ABCB4: variants seen among roughly 807,000 people sequenced by gnomAD.
ABCB4 encodes phosphatidylcholine translocator ABCB4.
A neutral mutation model predicts 145.7 loss-of-function variants in ABCB4; 76 were observed. That is an observed-to-expected ratio of 0.52 (90% CI 0.43 to 0.63). The LOEUF is 0.63. Among genes scored for constraint, ABCB4 ranks in the 30% least tolerant of loss-of-function variants. ABCB4 has a pLI of 0.00. For missense variants in ABCB4, 1,234 were observed against 1,553.1 expected (o/e 0.79, Z 3.45); for synonymous variants, 517 against 566.8 (o/e 0.91, Z 1.25).
intron 6 of ABCB4, chr7:87,452,566 T>C: frequency 6.6e-6 from 2 of 303,404 alleles, no homozygotes; most frequent in Non-Finnish European, 1.3e-5. Flanking sequence ...CCCTCAAATA[T>C]TTGTTGAATA....
chr7:87,471,056 A>C (rs967803526), intron 3 of ABCB4, among the ~76,000 whole-genome samples: 15 of 152,212 alleles, frequency 9.9e-5, no homozygotes, highest in African/African-American at 2.7e-4. Context: ...TGATGAGTTC[A>C]TGTCCTTTGT....
chr7:87,413,720 G>T lies in ABCB4; in HGVS notation c.2683-3C>A. 6.3e-7 allele frequency: 1 copy of T among 1,584,074 alleles called. No individual in the cohort carries two copies. The highest frequency in any genetic ancestry group is 8.7e-7 in the Non-Finnish European group (1 of 1,153,178). ...TTTTCTATTGCCTCTGTTGCAATCTGTAACACAGAATAGACCTTCATTAGA... is the reference window on the plus strand; with the variant it reads ...TTTTCTATTGCCTCTGTTGCAATCTTTAACACAGAATAGACCTTCATTAGA... On this transcript the variant is annotated splice_polypyrimidine_tract_variant and splice_region_variant and intron_variant, in intron 21 of 27. Transcript: ENST00000649586.
intron 22 of ABCB4, among the ~76,000 whole-genome samples, chr7:87,413,252 A>C (rs1385011956): frequency 6.6e-6 from 1 of 152,184 alleles, no homozygotes; most frequent in African/African-American, 2.4e-5. Context: ...AGCAAGTCTC[A>C]CTTTTGGTTC....
At chr7:87,423,053 A>T (rs1031596361) in intron 17 of ABCB4, among the ~76,000 whole-genome samples, 4 of 152,146 alleles carry the variant, frequency 2.6e-5, no homozygotes, top group African/African-American at 9.7e-5. Context: ...GATCTTTTCT[A>T]ATTTATTTAT....
downstream of ABCB4, chr7:87,399,701 G>A (rs188632032): frequency 1.3e-5 from 2 of 152,032 alleles, no homozygotes; most frequent in Admixed American, 6.6e-5. Flanking sequence ...TTTCCTCCTC[G>A]CTGTTCAATT....
At chr7:87,392,544 T>C in the ABCB4 span, 12 of 1,597,750 alleles carry the variant, frequency 7.5e-6, no homozygotes, top group South Asian at 7.7e-5. Context: ...GTTATTGAAG[T>C]GTCTCTCGAT....
At chr7:87,374,099 A>G in the ABCB4 span, among the ~76,000 whole-genome samples, 1 of 152,128 alleles carries the variant, frequency 6.6e-6, no homozygotes, top group African/African-American at 2.4e-5. Context: ...TGTGTGGGTT[A>G]TAGAATATTT....
chr7:87,403,661 A>G (rs1807968992), intron 26 of ABCB4, among the ~76,000 whole-genome samples: 1 of 152,204 alleles, frequency 6.6e-6, no homozygotes. Flanking sequence ...CACCACAAAT[A>G]CTTGAATTTT....
At chr7:87,375,968 TCTC>T in the ABCB4 span, 90 of 1,465,558 alleles carry the variant, frequency 6.1e-5, 1 homozygote, top group East Asian at 6.2e-4. Flanking sequence ...TTAACTACCT[TCTC>T]TTTTTTTTTT....
intron 24 of ABCB4, 43 bp downstream of exon 24, chr7:87,409,193 A>G (rs1808424048): frequency 6.2e-7 from 1 of 1,612,090 alleles, no homozygotes; most frequent in East Asian, 2.2e-5. Flanking sequence ...AGCAAACCTT[A>G]GGGAAAAATT....
intron 14 of ABCB4, among the ~76,000 whole-genome samples, chr7:87,433,665 AATTG>A (rs1289364447): frequency 7.0e-6 from 1 of 143,232 alleles, no homozygotes; most frequent in African/African-American, 2.5e-5. Flanking sequence ...TGACACAAAA[AATTG>A]TTGTTGTTTT....
At chr7:87,402,517 G>A (rs1384063875) in intron 27 of ABCB4, among the ~76,000 whole-genome samples, 1 of 152,080 alleles carries the variant, frequency 6.6e-6, no homozygotes, top group Non-Finnish European at 1.5e-5. Flanking sequence ...TTCCCATGCT[G>A]TAAAAAAATT....
chr7:87,375,620 A>G, the ABCB4 span: 1 of 1,598,970 alleles, frequency 6.3e-7, no homozygotes, highest in African/African-American at 1.3e-5. Context: ...TCTTCTTTTC[A>G]TCTTCCATAA....
chr7:87,422,277 T>C (rs1809498398), intron 17 of ABCB4, 52 bp from the exon 18 acceptor site: 1 of 1,337,414 alleles, frequency 7.5e-7, no homozygotes, highest in Admixed American at 1.7e-5. Context: ...TGATCCTTCT[T>C]CATTCCTCTC....
chr7:87,396,165 A>G, the ABCB4 span, among the ~76,000 whole-genome samples: 1 of 152,334 alleles, frequency 6.6e-6, no homozygotes, highest in South Asian at 2.1e-4. Context: ...TCAGTGGCTC[A>G]TGCCTGTGTT....
rs1449313374 is a variant in ABCB4, at chr7:87,408,024, G to T, written c.3279+13C>A. The T allele has an allele frequency of 6.2e-7, 1 of 1,612,894 alleles. No individual in the cohort carries two copies. The highest frequency in any genetic ancestry group is 8.5e-7 in the Non-Finnish European group (1 of 1,179,974). ...ATATAGCCTTCAATCAAGTTATAAG[G>T]AAATGTGCTCACCACTGTCCCCGCC... On this transcript the variant is annotated intron_variant, in intron 25 of 27. Transcript: ENST00000649586.
intron 20 of ABCB4, among the ~76,000 whole-genome samples, chr7:87,417,920 G>A (rs751627929): frequency 3.3e-5 from 5 of 152,142 alleles, no homozygotes; most frequent in Admixed American, 2.0e-4. Flanking sequence ...CAAAGGGTAC[G>A]TGTCCTAAGA....
chr7:87,427,931 T>A (rs1809950621), intron 15 of ABCB4, among the ~76,000 whole-genome samples: 1 of 152,144 alleles, frequency 6.6e-6, no homozygotes, highest in South Asian at 2.1e-4. Context: ...GACTTTGTAA[T>A]TGATCCCTTG....
intron 4 of ABCB4, 120 bp downstream of exon 4, chr7:87,462,638 G>A: frequency 1.1e-6 from 1 of 915,568 alleles, no homozygotes; most frequent in Non-Finnish European, 1.8e-6. Context: ...ATGATATCTG[G>A]AGTCAACCAG....
Sources: gnomAD v4.1 joint callset for allele counts (sites outside exome capture counted in the v4.1 genomes callset) on GRCh38, gnomAD v4.1.1 for gene constraint, MANE v1.5 for transcripts, NCBI Gene and HGNC (gene_info 2026-07-23, HGNC 2026-07-21) for gene names.